The following WDHD1 variants were observed in gnomAD, a reference collection of about 807,000 sequenced individuals.
WDHD1 encodes WD repeat and HMG-box DNA binding protein 1, also known as WD repeat and HMG-box DNA-binding protein 1.
In WDHD1, 111 loss-of-function variants were observed where a neutral mutation model predicts 135.4. The ratio of observed to expected loss-of-function variants is 0.82; its 90% confidence interval spans 0.70 to 0.96. The LOEUF (loss-of-function observed/expected upper bound fraction) is 0.96. WDHD1 is among the 40% of genes least tolerant of loss of function. The pLI is 0.00. For synonymous variants in WDHD1, 434 were observed against 439.0 expected (o/e 0.99, Z 0.14); for missense variants, 1,351 against 1,336.3 (o/e 1.01, Z -0.17).
chr14:55,024,310 C>CA (rs2042396821), intron 2 of WDHD1, among the ~76,000 whole-genome samples: 1 of 152,186 alleles, frequency 6.6e-6, no homozygotes, highest in Admixed American at 6.5e-5. Context: ...AATCTCCACC[C>CA]ACAGCTCTAC....
chr14:54,966,798 A>C (rs2041353670), intron 17 of WDHD1, among the ~76,000 whole-genome samples, 192 bp from the exon 18 acceptor site: 1 of 152,260 alleles, frequency 6.6e-6, no homozygotes, highest in African/African-American at 2.4e-5. Context: ...TAAAAAAGGC[A>C]GCTGGGGAGG....
chr14:55,012,314 T>G (rs971861644), intron 3 of WDHD1, among the ~76,000 whole-genome samples: 7 of 152,176 alleles, frequency 4.6e-5, no homozygotes, highest in Admixed American at 2.0e-4. Context: ...ATGAATTCTG[T>G]GGAAAGATTT....
chr14:55,012,527 T>C (rs528853867), intron 3 of WDHD1, among the ~76,000 whole-genome samples: 1 of 152,220 alleles, frequency 6.6e-6, no homozygotes, highest in Non-Finnish European at 1.5e-5. Context: ...CATTCCCGTT[T>C]TCTAGAACAA....
At chr14:54,990,920 A>C (rs1382819794) in intron 12 of WDHD1, among the ~76,000 whole-genome samples, 1 of 152,202 alleles carries the variant, frequency 6.6e-6, no homozygotes, top group Non-Finnish European at 1.5e-5. Context: ...ATGAAGAATA[A>C]GGTTTGAAAG....
intron 16 of WDHD1, among the ~76,000 whole-genome samples, chr14:54,972,872 A>G (rs2041464122): frequency 6.6e-6 from 1 of 152,206 alleles, no homozygotes; most frequent in African/African-American, 2.4e-5. Context: ...ACATCATTAG[A>G]AAGACTATAA....
intron 18 of WDHD1, among the ~76,000 whole-genome samples, chr14:54,965,294 T>G (rs2041322841): frequency 1.3e-5 from 2 of 152,142 alleles, no homozygotes; most frequent in South Asian, 4.1e-4. Flanking sequence ...AAACCAACCT[T>G]GAGTGGGGAC....
At position 54,989,695 on chromosome 14, in the gene WDHD1, T is replaced by C. The variant is rs1011136029; in HGVS notation, c.1342-483A>G. Among the ~76,000 whole-genome samples the C allele has an allele frequency of 7.2e-5, 11 of 152,128 alleles. No individual in the cohort carries two copies. In the East Asian group the frequency reaches 2.1e-3, roughly 29 times the overall value. ...TTTTTTTTTGGAGACAGTTTTGCTC[T>C]GTCACCCAAGCTGGAGTGCAGTGGC... On this transcript the variant is annotated intron_variant, in intron 12 of 25. Transcript: ENST00000360586.
rs1456147730 is a variant in WDHD1, at chr14:54,989,137, T to C, written c.1417A>G (p.Thr473Ala). Residue 473 changes from threonine to alanine, a missense_variant, in exon 13 of 26, where the codon ACC becomes GCC. Thr to Ala is a moderately conservative substitution (Grantham distance 58). This residue lies in a region of WDHD1 where 1,330 missense variants were observed against 1,296.1 expected (regional missense o/e 1.03). Transcript: ENST00000360586. Reference protein sequence around the residue: ...DNAIDVEFHDTSIHHATHLSN... With the variant: ...DNAIDVEFHDASIHHATHLSN... ...AAGTGTGTTGCATGGTGTATGGAGG[T>C]ATCATGGAACTCCACATCTATGGCA... is the stretch of plus-strand genomic sequence containing the variant. 6 of 1,613,570 alleles carry C rather than the reference T, an allele frequency of 3.7e-6. No homozygotes were observed. Among genetic ancestry groups the C allele is most frequent in the African/African-American group, 1.3e-5 (1 of 74,896 alleles).
chr14:54,979,910 C>T (rs2041589325), intron 16 of WDHD1, among the ~76,000 whole-genome samples: 1 of 152,194 alleles, frequency 6.6e-6, no homozygotes, highest in Non-Finnish European at 1.5e-5. Context: ...TTTCACTTAA[C>T]ACATCTTGCA....
At chr14:54,986,072 C>G (rs1470806465) in intron 14 of WDHD1, among the ~76,000 whole-genome samples, 3 of 152,150 alleles carry the variant, frequency 2.0e-5, no homozygotes, top group Non-Finnish European at 4.4e-5. Context: ...AGGGTTGGTG[C>G]TATCAACTTA....
chr14:54,944,727 C>A lies in WDHD1; in HGVS notation c.3051-257G>T, dbSNP rs989523277. Reference sequence around the variant, plus strand: ...CTCCGCCTCCTGGGTTCAAGCGATTCTCCTGCCTCAGCCTCCCAAGTAGCT... The same window carrying A: ...CTCCGCCTCCTGGGTTCAAGCGATTATCCTGCCTCAGCCTCCCAAGTAGCT... On this transcript the variant is annotated intron_variant, in intron 24 of 25. Coordinates refer to ENST00000360586, the MANE Select transcript of WDHD1 (RefSeq NM_007086.4). 6 of 212,774 alleles carry A rather than the reference C, an allele frequency of 2.8e-5. No individual in the cohort carries two copies. The South Asian group carries it at 5.3e-4, about 19-fold the overall frequency. The allele number at this position is 212,774 out of a possible 1,614,324, so 13.2% of individuals were successfully genotyped here. A position where few individuals can be genotyped will look rare whatever the true frequency, so the allele number is the denominator to read the frequency against.
intron 21 of WDHD1, among the ~76,000 whole-genome samples, chr14:54,960,273 T>C (rs1188258800): frequency 6.6e-6 from 1 of 152,114 alleles, no homozygotes; most frequent in Admixed American, 6.6e-5. Flanking sequence ...GTTCACGCCA[T>C]TCTCCTGCCT....
At chr14:54,999,666 G>A (rs2041947997) in intron 10 of WDHD1, among the ~76,000 whole-genome samples, 2 of 152,096 alleles carry the variant, frequency 1.3e-5, no homozygotes, top group Admixed American at 6.6e-5. Flanking sequence ...GCACAATCAC[G>A]GCTTGCTGTA....
chr14:54,957,226 G>T (rs777697391), intron 22 of WDHD1, 22 bp from the exon 23 acceptor site: 1 of 1,581,718 alleles, frequency 6.3e-7, no homozygotes, highest in South Asian at 1.2e-5. Context: ...ACTAGTGTTA[G>T]CACTGTATGT....
At chr14:54,977,391 T>C (rs1271228479) in intron 16 of WDHD1, among the ~76,000 whole-genome samples, 1 of 152,196 alleles carries the variant, frequency 6.6e-6, no homozygotes, top group East Asian at 1.9e-4. Context: ...TAAATACAAT[T>C]TTATATTAAA....
chr14:54,962,995 C>T lies in WDHD1; in HGVS notation c.2488G>A (p.Glu830Lys), dbSNP rs749722378. ...CTGAAATCTTCTTCTTCTTCTTCCT[C>T]TTCCACCTGGGTTGCTGTCAATTCG... ...AAELTATQVE[E>K]EEEEEDFRKK... Residue 830 changes from glutamate to lysine, a missense_variant, in exon 19 of 26, where the codon GAG (glutamate) becomes AAG (lysine). By Grantham distance (56) the Glu-to-Lys change is moderately conservative (BLOSUM62 1). Around this residue, in one of 2 missense-constraint regions of WDHD1, gnomAD observed 1,330 missense variants for 1,296.1 expected, o/e 1.03. Transcript: ENST00000360586. The T allele has an allele frequency of 1.9e-6, 3 of 1,613,874 alleles. No individual in the cohort carries two copies. The highest frequency in any genetic ancestry group is 2.7e-5 in the African/African-American group (2 of 75,032).
Position 54,984,790 on chromosome 14 carries a change from A to C in WDHD1, c.1839T>G (p.Ile613Met), listed in dbSNP as rs747149254. The change falls in exon 15 of 26, where the codon ATT (isoleucine) becomes ATG (methionine). Residue 613 changes from isoleucine to methionine, a missense_variant. By Grantham distance (10) the Ile-to-Met change is conservative. This residue lies in a region of WDHD1 where 1,330 missense variants were observed against 1,296.1 expected (regional missense o/e 1.03). Transcript: ENST00000360586. ...TAAGAGGAAGAGGGTCACCATGCAAAATTTGTTTTTTCTTTTTCCCCAGCT... is the reference window on the plus strand; with the variant it reads ...TAAGAGGAAGAGGGTCACCATGCAACATTTGTTTTTTCTTTTTCCCCAGCT... ...LLELGKKKKQ[I>M]LHGDPLPLTR... 6.2e-7 allele frequency: 1 copy of C among 1,613,884 alleles called. No individual in the cohort carries two copies. The highest frequency in any genetic ancestry group is 8.5e-7 in the Non-Finnish European group (1 of 1,179,916).
At position 54,957,024 on chromosome 14, in the gene WDHD1, G is replaced by C. The variant is rs200226057; in HGVS notation, c.2916+10C>G. The C allele has an allele frequency of 3.1e-4, 507 of 1,611,702 alleles. No individual in the cohort carries two copies. Among genetic ancestry groups the C allele is most frequent in the Non-Finnish European group, 4.2e-4 (491 of 1,178,762 alleles). ...CTGCTTACTGCAGATGAGGGTAGCT[G>C]AAACAGTACCTGCTTAGGCTTCGGC... On this transcript the variant is annotated intron_variant, in intron 23 of 25. Transcript: ENST00000360586.
chr14:54,978,262 A>T (rs1029985449), intron 16 of WDHD1, among the ~76,000 whole-genome samples: 1 of 152,188 alleles, frequency 6.6e-6, no homozygotes, highest in African/African-American at 2.4e-5. Flanking sequence ...AATCACTGAG[A>T]ACAACCTACA....
Sources: gnomAD v4.1 joint callset for allele counts (sites outside exome capture counted in the v4.1 genomes callset) on GRCh38, gnomAD v4.1.1 for gene constraint, gnomAD v4.1.1 regional missense constraint, MANE v1.5 for transcripts, NCBI Gene and HGNC (gene_info 2026-07-23, HGNC 2026-07-21) for gene names.